Variants in TRNAU1AP observed in about 807,000 individuals in gnomAD.
TRNAU1AP encodes the protein tRNA selenocysteine 1 associated protein 1, also known as tRNA selenocysteine 1-associated protein 1.
Under a neutral mutation model 43.3 loss-of-function variants are expected in TRNAU1AP, and 33 were observed. The ratio of observed to expected loss-of-function variants is 0.76; its 90% CI spans 0.58 to 1.02. The LOEUF is 1.02. TRNAU1AP is among the 50% of genes least tolerant of loss of function. The pLI, the probability that TRNAU1AP is intolerant of heterozygous loss-of-function variation, is 0.00. For missense variants in TRNAU1AP, 290 were observed against 362.7 expected, an observed-to-expected ratio of 0.80 and a Z score of 1.63; for synonymous variants, 143 against 129.1, an observed-to-expected ratio of 1.11 and a Z score of -0.73.
intron 7 of TRNAU1AP, 81 bp from the exon 8 acceptor site, chr1:28,571,786 A>AAAAATAAAAAAAT: frequency 3.0e-6 from 3 of 1,008,522 alleles, no homozygotes. Context: ...CCACCTCAAA[A>AAAAATAAAAAAAT]AAAATAAAAA....
At chr1:28,565,019 C>A in intron 5 of TRNAU1AP, 185 bp downstream of exon 5, 1 of 661,658 alleles carries the variant, frequency 1.5e-6, no homozygotes, top group Non-Finnish European at 2.6e-6. Context: ...AGAATTGAAG[C>A]TCTGTGACCC....
chr1:28,568,915 G>A (rs1665599944), intron 6 of TRNAU1AP, among the ~76,000 whole-genome samples: 1 of 151,690 alleles, frequency 6.6e-6, no homozygotes, highest in Non-Finnish European at 1.5e-5. Flanking sequence ...AGGTTCAAGC[G>A]ATTCTCCTGC....
intron 8 of TRNAU1AP, among the ~76,000 whole-genome samples, chr1:28,573,605 G>A (rs1055072010): frequency 4.0e-5 from 6 of 151,544 alleles, no homozygotes; most frequent in African/African-American, 7.3e-5. Flanking sequence ...AAATTCTGCC[G>A]GTACTAAAAA....
At chr1:28,575,084 T>A (rs954388727) in intron 8 of TRNAU1AP, among the ~76,000 whole-genome samples, 1 of 152,234 alleles carries the variant, frequency 6.6e-6, no homozygotes, top group African/African-American at 2.4e-5. Flanking sequence ...AGACATTGCC[T>A]TCTTTCTAGA....
Position 28,560,713 on chromosome 1 carries a change from C to T in TRNAU1AP, c.206C>T (p.Pro69Leu), listed in dbSNP as rs777460712. 5.0e-6 allele frequency: 8 copies of T among 1,613,714 alleles called. 1 individual carries two copies. The South Asian group carries it at 5.5e-5, about 11-fold the overall frequency. ...TGTTTGCATAAAATTAATGGGAAACCCCTTCCAGGAGCCACACCTGTAAGG... is the reference window on the plus strand; with the variant it reads ...TGTTTGCATAAAATTAATGGGAAACTCCTTCCAGGAGCCACACCTGTAAGG... ...EKCLHKINGK[P>L]LPGATPAKRF... Residue 69 changes from proline to leucine, a missense_variant, in exon 3 of 9, where the codon CCC becomes CTC. Physicochemically the swap from Pro to Leu is moderately conservative, Grantham distance 98. This residue lies in a region of TRNAU1AP where 174 missense variants were observed against 262.1 expected (regional missense o/e 0.66). Coordinates refer to ENST00000373830, the MANE Select transcript of TRNAU1AP (RefSeq NM_017846.5).
At chr1:28,574,898 T>C (rs1665739094) in intron 8 of TRNAU1AP, among the ~76,000 whole-genome samples, 2 of 152,170 alleles carry the variant, frequency 1.3e-5, no homozygotes, top group African/African-American at 2.4e-5. Flanking sequence ...TCTCATGTGA[T>C]GCCAACTGTA....
At chr1:28,557,557 C>T (rs965338348) in intron 2 of TRNAU1AP, among the ~76,000 whole-genome samples, 7 of 126,718 alleles carry the variant, frequency 5.5e-5, no homozygotes, top group African/African-American at 3.0e-5. Context: ...TGGGTCTTAT[C>T]TTTTCTCCTT....
chr1:28,553,675 A>C lies in TRNAU1AP; in HGVS notation c.63A>C (p.Arg21Ser). 6.2e-7 allele frequency: 1 copy of C among 1,614,122 alleles called. No homozygotes were observed. Among genetic ancestry groups the C allele is most frequent in the East Asian group, 2.2e-5 (1 of 44,878 alleles). Residue 21 changes from arginine (R) to serine (S), a missense_variant, in exon 2 of 9, where the codon AGA (arginine) becomes AGC (serine). This residue lies in a region of TRNAU1AP where 59 missense variants were observed against 45.5 expected (regional missense o/e 1.30). Coordinates refer to ENST00000373830, the MANE Select transcript of TRNAU1AP (RefSeq NM_017846.5). ...ACATGGATGAGAACTTCATCTCCAG[A>C]GCCTTTGCCACCATGGGGGAGACCG... ...EPYMDENFIS[R>S]AFATMGETVM... is the part of the protein sequence containing the mutation.
In TRNAU1AP at chr1:28,560,033, G is replaced by A. The variant is rs192771328; in HGVS notation, c.126-600G>A. Among the ~76,000 whole-genome samples the A allele has an allele frequency of 5.0e-3, 758 of 152,230 alleles. 8 individuals carry two copies. The highest frequency in any genetic ancestry group is 0.018 in the African/African-American group (731 of 41,550). On this transcript the variant is annotated intron_variant, in intron 2 of 8. Coordinates refer to ENST00000373830, the MANE Select transcript of TRNAU1AP (RefSeq NM_017846.5). ...TGTAATTCCAAGTGTTCATGAGGCT[G>A]AGGCAGGATAATTGCTTGAACCTGA...
chr1:28,557,388 C>T (rs1047774846), intron 2 of TRNAU1AP, among the ~76,000 whole-genome samples: 1 of 151,006 alleles, frequency 6.6e-6, no homozygotes, highest in Admixed American at 6.6e-5. Context: ...CCACTGCACT[C>T]CAGCCTGGGC....
At chr1:28,562,139 A>G (rs1273360981) in intron 4 of TRNAU1AP, among the ~76,000 whole-genome samples, 1 of 152,258 alleles carries the variant, frequency 6.6e-6, no homozygotes, top group Non-Finnish European at 1.5e-5. Context: ...TTGGAATTTC[A>G]GGTTGCCATT....
chr1:28,553,561 C>CG, intron 1 of TRNAU1AP, 79 bp from the exon 2 acceptor site: 2 of 1,392,240 alleles, frequency 1.4e-6, no homozygotes, highest in Non-Finnish European at 2.0e-6. Context: ...CAGCCCTGGG[C>CG]TGAACGGGAG....
chr1:28,565,790 T>TA lies in TRNAU1AP; in HGVS notation c.410+967dup, dbSNP rs768201216. 94 of 84,680 alleles carry TA rather than the reference T, an allele frequency of 1.1e-3. 1 individual carries two copies. In the South Asian group the frequency reaches 0.014, roughly 13 times the overall value. The allele number at this position is 84,680 out of a possible 1,614,324, so 5.2% of individuals were successfully genotyped here. A position where few individuals can be genotyped will look rare whatever the true frequency, so the allele number is the denominator to read the frequency against. ...TAACAGAGCAAGATTCTGTCTCAAATAAAAAAAAAAAGAAAAAATGGAAAT... is the reference window on the plus strand; with the variant it reads ...TAACAGAGCAAGATTCTGTCTCAAATAAAAAAAAAAAAGAAAAAATGGAAAT... On this transcript the variant is annotated intron_variant, in intron 5 of 8. Coordinates refer to ENST00000373830, the MANE Select transcript of TRNAU1AP (RefSeq NM_017846.5).
At chr1:28,561,951 A>G (rs539138048) in intron 4 of TRNAU1AP, among the ~76,000 whole-genome samples, 2 of 151,846 alleles carry the variant, frequency 1.3e-5, no homozygotes, top group East Asian at 3.9e-4. Context: ...AGGCGCCTGT[A>G]GTCCCAGCTA....
intron 8 of TRNAU1AP, among the ~76,000 whole-genome samples, chr1:28,572,801 GAT>G (rs1665689688): frequency 6.6e-6 from 1 of 151,348 alleles, no homozygotes; most frequent in Non-Finnish European, 1.5e-5. Context: ...CGGGTGTGGT[GAT>G]GGGCGCCTGT....
chr1:28,571,723 C>T, intron 7 of TRNAU1AP, 144 bp from the exon 8 acceptor site: 1 of 631,210 alleles, frequency 1.6e-6, no homozygotes, highest in Non-Finnish European at 2.8e-6. Context: ...GCGGGTGTTG[C>T]AGTGAGCCGA....
chr1:28,561,348 G>C lies in TRNAU1AP; in HGVS notation c.228G>C (p.Ala76=). The change falls in exon 4 of 9, where the codon GCG becomes GCC. Residue 76 remains alanine, a splice_region_variant and synonymous_variant. Coordinates refer to ENST00000373830, the MANE Select transcript of TRNAU1AP (RefSeq NM_017846.5). ...NGKPLPGATP[A]KRFKLNYATY... is the part of the protein sequence containing the mutation. Reference sequence around the variant, plus strand: ...TTTGTTTGTTTTTCAACTTCCAGGCGAAACGTTTTAAACTGAACTATGCCA... The same window carrying C: ...TTTGTTTGTTTTTCAACTTCCAGGCCAAACGTTTTAAACTGAACTATGCCA... 1 of 1,614,080 alleles carries C rather than the reference G, an allele frequency of 6.2e-7. No individual in the cohort carries two copies. The highest frequency in any genetic ancestry group is 8.5e-7 in the Non-Finnish European group (1 of 1,180,018).
At chr1:28,577,442 C>T in intron 8 of TRNAU1AP, 58 bp from the exon 9 acceptor site, 3 of 1,580,346 alleles carry the variant, frequency 1.9e-6, no homozygotes, top group Non-Finnish European at 2.6e-6. Flanking sequence ...GGGAACTGAA[C>T]CAGGTCCCTT....
In TRNAU1AP at chr1:28,567,342, C is replaced by T; in HGVS notation, c.459C>T (p.Ala153=). 1.2e-6 allele frequency: 2 copies of T among 1,613,804 alleles called. No individual in the cohort carries two copies. Among genetic ancestry groups the T allele is most frequent in the East Asian group, 2.2e-5 (1 of 44,870 alleles). ...KFTDELEQKR[A]LTECQGAVGL... is the part of the protein sequence containing the mutation. ...CAGATGAACTGGAACAGAAGCGAGC[C>T]CTGACGGAGTGCCAGGGAGCAGTGG... is the stretch of plus-strand genomic sequence containing the variant. The change falls in exon 6 of 9, where the codon GCC becomes GCT. Residue 153 remains alanine (A), a synonymous_variant. Transcript: ENST00000373830.
Sources: gnomAD v4.1 joint callset for allele counts (sites outside exome capture counted in the v4.1 genomes callset) on GRCh38, gnomAD v4.1.1 for gene constraint, gnomAD v4.1.1 regional missense constraint, MANE v1.5 for transcripts, NCBI Gene and HGNC (gene_info 2026-07-23, HGNC 2026-07-21) for gene names.